TVP23C: variants seen among roughly 807,000 people sequenced by gnomAD.
The protein encoded by TVP23C is Golgi apparatus membrane protein TVP23 homolog C.
A neutral mutation model predicts 28.7 loss-of-function variants in TVP23C; 19 were observed. That is an observed-to-expected ratio of 0.66 (90% CI 0.46 to 0.97). The LOEUF (loss-of-function observed/expected upper bound fraction) is 0.97, where lower values mean the gene tolerates loss of function less well. Ranked by LOEUF, TVP23C falls within the 50% of genes least tolerant of loss-of-function variation. The pLI, the probability that TVP23C is intolerant of heterozygous loss-of-function variation, is 0.00. For synonymous variants in TVP23C, 68 were observed against 81.7 expected (o/e 0.83, Z 0.90); for missense variants, 186 against 241.3 (o/e 0.77, Z 1.52).
At chr17:15,543,512 AG>A (rs1325415118) in intron 5 of TVP23C, among the ~76,000 whole-genome samples, 31 of 151,834 alleles carry the variant, frequency 2.0e-4, no homozygotes, top group African/African-American at 7.0e-4. Flanking sequence ...AAAAACCTAA[AG>A]AAAAGAACTC....
intron 5 of TVP23C, among the ~76,000 whole-genome samples, chr17:15,514,436 GATTT>G (rs1982137032): frequency 6.6e-6 from 1 of 152,116 alleles, no homozygotes; most frequent in Admixed American, 6.5e-5. Flanking sequence ...ATAGCTTTCT[GATTT>G]ATTTACTTGG....
downstream of TVP23C, among the ~76,000 whole-genome samples, chr17:15,533,069 T>C (rs1396611870): frequency 6.6e-6 from 1 of 152,264 alleles, no homozygotes; most frequent in Middle Eastern, 3.2e-3. Context: ...TGTAGACTAA[T>C]GGTTTTCGCC....
intron 5 of TVP23C, among the ~76,000 whole-genome samples, chr17:15,522,298 T>G (rs921163783): frequency 6.6e-6 from 1 of 152,176 alleles, no homozygotes; most frequent in Non-Finnish European, 1.5e-5. Context: ...TATAAAAGAC[T>G]GATAATTTTA....
In TVP23C at chr17:15,540,071, C is replaced by T. The variant is rs1983346886; in HGVS notation, c.*341G>A. ...TTGCACCACTGCACTCCAGCCTGGG[C>T]GACAGAGCAAAACTCTGTCTCAAAA... On this transcript the variant is annotated 3_prime_UTR_variant, in exon 6 of 6. Coordinates refer to ENST00000518321, the MANE Select transcript of TVP23C (RefSeq NM_001135036.2). 6.3e-6 allele frequency: 7 copies of T among 1,109,514 alleles called. No homozygotes were observed. The highest frequency in any genetic ancestry group is 4.8e-5 in the South Asian group (2 of 41,966). The allele number at this position is 1,109,514 out of a possible 1,614,324, so 68.7% of individuals were successfully genotyped here. A position where few individuals can be genotyped will look rare whatever the true frequency, so the allele number is the denominator to read the frequency against.
intron 5 of TVP23C, among the ~76,000 whole-genome samples, chr17:15,518,167 CAAA>C (rs895582466): frequency 3.3e-4 from 18 of 54,284 alleles, no homozygotes; most frequent in African/African-American, 8.1e-4. Context: ...GACTCCATCT[CAAA>C]AAAAAAAAAA....
intron 5 of TVP23C, among the ~76,000 whole-genome samples, chr17:15,514,982 C>T (rs989432995): frequency 1.3e-5 from 2 of 152,132 alleles, no homozygotes; most frequent in African/African-American, 4.8e-5. Context: ...CTTTCCCGAG[C>T]TTCAGTGTGC....
rs549424118 is a variant in TVP23C, at chr17:15,525,177, T to A, written c.462+20608A>T. On this transcript the variant is annotated intron_variant, in intron 5 of 5. Transcript: ENST00000225576. ...TGTATACAATGGCTTTCACCTACAC[T>A]GTTAAAAGGCGGGCACATGCCCAAT... 2.5e-3 allele frequency among the ~76,000 whole-genome samples: 375 copies of A among 152,144 alleles called. 3 individuals carry two copies. In the Middle Eastern group the frequency reaches 0.031, roughly 12 times the overall value.
intron 1 of TVP23C, among the ~76,000 whole-genome samples, chr17:15,558,312 C>T (rs1200798010): frequency 1.4e-5 from 2 of 143,034 alleles, no homozygotes; most frequent in African/African-American, 2.5e-5. Context: ...CCTATCATGA[C>T]CTATCATGAT....
intron 5 of TVP23C, among the ~76,000 whole-genome samples, chr17:15,511,266 G>A (rs1252377157): frequency 1.3e-5 from 2 of 152,080 alleles, no homozygotes; most frequent in Non-Finnish European, 2.9e-5. Context: ...AGACAAATGT[G>A]AGAGGTTATT....
Position 15,539,551 on chromosome 17 carries a change from C to T in TVP23C, c.*861G>A, listed in dbSNP as rs949009397. 3.4e-5 allele frequency: 27 copies of T among 786,052 alleles called. No homozygotes were observed. The African/African-American group carries it at 4.8e-4, about 14-fold the overall frequency. The allele number at this position is 786,052 out of a possible 1,614,324, so 48.7% of individuals were successfully genotyped here. A position where few individuals can be genotyped will look rare whatever the true frequency, so the allele number is the denominator to read the frequency against. ...CCGGGAGGCGGAGCTTGCAGTAAGC[C>T]GAGATCACGCCACTGCACTCCAGCC... On this transcript the variant is annotated 3_prime_UTR_variant, in exon 6 of 6. Transcript: ENST00000518321.
At chr17:15,532,186 A>G (rs1254145824), downstream of TVP23C, among the ~76,000 whole-genome samples, 1 of 152,200 alleles carries the variant, frequency 6.6e-6, no homozygotes, top group Non-Finnish European at 1.5e-5. Flanking sequence ...TTTTCTGGCC[A>G]GTCTCATTTG....
chr17:15,549,018 T>C (rs1040064100), intron 3 of TVP23C, among the ~76,000 whole-genome samples: 3 of 152,252 alleles, frequency 2.0e-5, no homozygotes, highest in African/African-American at 7.2e-5. Flanking sequence ...ATGGGGGAAC[T>C]ACTACACATA....
At chr17:15,547,342 G>A (rs1983691012) in intron 3 of TVP23C, among the ~76,000 whole-genome samples, 194 bp from the exon 4 acceptor site, 1 of 152,058 alleles carries the variant, frequency 6.6e-6, no homozygotes, top group African/African-American at 2.4e-5. Flanking sequence ...GACTAATAGG[G>A]GTAGAGGTGA....
At position 15,538,277 on chromosome 17, in the gene TVP23C, T is replaced by C. The variant is rs922315275; in HGVS notation, c.*2135A>G. On this transcript the variant is annotated 3_prime_UTR_variant, in exon 6 of 6. Coordinates refer to ENST00000518321, the MANE Select transcript of TVP23C (RefSeq NM_001135036.2). ...AAGCAGAGCATTACCTTACATACAA[T>C]GGCCCAATCACATTAAAAAGTAGAC... 56 of 1,489,502 alleles carry C rather than the reference T, an allele frequency of 3.8e-5. No individual in the cohort carries two copies. Among genetic ancestry groups the C allele is most frequent in the Non-Finnish European group, 4.8e-5 (54 of 1,121,006 alleles). 92.3% of individuals were successfully genotyped at this position (1,489,502 alleles called of 1,614,324 possible). A position where few individuals can be genotyped will look rare whatever the true frequency, so the allele number is the denominator to read the frequency against.
At chr17:15,536,703 A>AT (rs1429686264), downstream of TVP23C, among the ~76,000 whole-genome samples, 3 of 151,468 alleles carry the variant, frequency 2.0e-5, no homozygotes, top group East Asian at 5.8e-4. Flanking sequence ...TTCAGATTGT[A>AT]TTTTAAAATG....
intron 5 of TVP23C, among the ~76,000 whole-genome samples, chr17:15,505,119 A>G (rs1303694436): frequency 6.6e-6 from 1 of 152,222 alleles, no homozygotes; most frequent in African/African-American, 2.4e-5. Flanking sequence ...ATGGGGCTAT[A>G]GTCCTAGACA....
downstream of TVP23C, among the ~76,000 whole-genome samples, chr17:15,533,149 A>C (rs1983015161): frequency 6.6e-6 from 1 of 152,220 alleles, no homozygotes; most frequent in Admixed American, 6.5e-5. Flanking sequence ...AAACACAAAC[A>C]ATATAACTTA....
At chr17:15,548,615 G>C (rs1983750590) in intron 3 of TVP23C, among the ~76,000 whole-genome samples, 2 of 152,092 alleles carry the variant, frequency 1.3e-5, no homozygotes, top group Non-Finnish European at 2.9e-5. Flanking sequence ...TACTATACTT[G>C]CTGCAGTTAT....
rs1390424688 is a variant in TVP23C, at chr17:15,547,175, C to T, written c.241-27G>A. 4 of 1,612,854 alleles carry T rather than the reference C, an allele frequency of 2.5e-6. No individual in the cohort carries two copies. In the South Asian group the frequency reaches 4.4e-5, roughly 18 times the overall value. On this transcript the variant is annotated intron_variant, in intron 3 of 5. Transcript: ENST00000518321. ...TGGTGAAGATTAATATAAACAGGCACATTTTAAAAGCATTATTTAAAGATC... is the reference window on the plus strand; with the variant it reads ...TGGTGAAGATTAATATAAACAGGCATATTTTAAAAGCATTATTTAAAGATC...
Sources: gnomAD v4.1 joint callset for allele counts (sites outside exome capture counted in the v4.1 genomes callset) on GRCh38, gnomAD v4.1.1 for gene constraint, MANE v1.5 for transcripts, NCBI Gene and HGNC (gene_info 2026-07-23, HGNC 2026-07-21) for gene names.